Variants in SH3D19 observed in about 807,000 individuals in gnomAD.
The protein encoded by SH3D19 is SH3 domain-containing protein 19.
Under a neutral mutation model 112.1 loss-of-function variants are expected in SH3D19, and 58 were observed. The ratio of observed to expected loss-of-function variants is 0.52; its 90% CI spans 0.42 to 0.64. The LOEUF is 0.64. SH3D19 is among the 30% of genes least tolerant of loss of function. SH3D19 has a pLI of 0.00. For missense variants in SH3D19, 1,090 were observed against 1,263.4 expected (o/e 0.86, Z 2.08); for synonymous variants, 391 against 448.5 (o/e 0.87, Z 1.62).
At chr4:151,238,730 C>T (rs1770329094) in intron 1 of SH3D19, among the ~76,000 whole-genome samples, 1 of 151,918 alleles carries the variant, frequency 6.6e-6, no homozygotes, top group East Asian at 1.9e-4. Context: ...GTCTTGGTCT[C>T]TAATGTAGAA....
chr4:151,242,832 C>G (rs932931147), intron 1 of SH3D19, among the ~76,000 whole-genome samples: 1 of 152,044 alleles, frequency 6.6e-6, no homozygotes, highest in Non-Finnish European at 1.5e-5. Flanking sequence ...TTCTAAACCT[C>G]TAAATATGAT....
At chr4:151,306,956 A>G (rs536044022) in intron 1 of SH3D19, among the ~76,000 whole-genome samples, 4 of 150,300 alleles carry the variant, frequency 2.7e-5, no homozygotes, top group African/African-American at 7.3e-5. Flanking sequence ...ATTCCTTACA[A>G]TTTTCAGGGT....
At chr4:151,141,418 G>A (rs796116345) in intron 12 of SH3D19, among the ~76,000 whole-genome samples, 28 of 152,254 alleles carry the variant, frequency 1.8e-4, no homozygotes, top group African/African-American at 6.5e-4. Context: ...GAGCCACCGT[G>A]CCCAGCCTGG....
chr4:151,175,411 G>A lies in SH3D19; in HGVS notation c.793C>T (p.Pro265Ser). 6.5e-7 allele frequency: 1 copy of A among 1,547,208 alleles called. No homozygotes were observed. The highest frequency in any genetic ancestry group is 8.7e-7 in the Non-Finnish European group (1 of 1,149,542). ...AVGEESSPGR[P>S]QSLLDNASTS... The stretch of plus-strand genomic sequence containing the variant: ...CTAGCGTTGTCCAGCAGAGACTGGG[G>A]CCGGCCTGGGGATGACTCCTCTCCT... Residue 265 changes from proline (P) to serine (S), a missense_variant, in exon 7 of 20, where the codon CCC becomes TCC. Transcript: ENST00000604030.
rs529768033 is a variant in SH3D19, at chr4:151,307,327, T to C, written c.112+17914A>G. 7.2e-5 allele frequency among the ~76,000 whole-genome samples: 11 copies of C among 152,222 alleles called. No homozygotes were observed. In the East Asian group the frequency reaches 2.1e-3, roughly 29 times the overall value. ...GTGAGCCACTGCGCCCGGCCCCTAA[T>C]GATGACTTCTATCTTTTTAGTGTCT... On this transcript the variant is annotated intron_variant, in intron 1 of 19. Transcript: ENST00000604030.
At chr4:151,267,206 G>A (rs60192235) in intron 1 of SH3D19, among the ~76,000 whole-genome samples, 4 of 150,854 alleles carry the variant, frequency 2.7e-5, no homozygotes, top group East Asian at 1.9e-4. Flanking sequence ...ATAGTGGCAC[G>A]TGCCTGTAGT....
At chr4:151,188,841 T>C (rs1275474464) in intron 2 of SH3D19, among the ~76,000 whole-genome samples, 4 of 152,168 alleles carry the variant, frequency 2.6e-5, no homozygotes. Flanking sequence ...TGATCTTACT[T>C]GAAAATAGAG....
chr4:151,282,659 T>G (rs1774363360), intron 1 of SH3D19, among the ~76,000 whole-genome samples: 1 of 152,210 alleles, frequency 6.6e-6, no homozygotes, highest in Non-Finnish European at 1.5e-5. Flanking sequence ...TTTAAACACA[T>G]AACTACCTCT....
Position 151,291,394 on chromosome 4 carries a change from G to A in SH3D19, c.112+33847C>T, listed in dbSNP as rs1775326425. On this transcript the variant is annotated intron_variant, in intron 1 of 19. Coordinates refer to ENST00000604030, the MANE Select transcript of SH3D19 (RefSeq NM_001378122.1). ...CAGAGTAGGCACTGTAGCTGAAGCT[G>A]TTGCTTGCATACAGGGCTGGGAAGA... The A allele has an allele frequency of 6.2e-7, 1 of 1,614,036 alleles. No homozygotes were observed.
chr4:151,202,037 A>C (rs1764469541), intron 2 of SH3D19, among the ~76,000 whole-genome samples: 1 of 150,222 alleles, frequency 6.7e-6, no homozygotes, highest in Admixed American at 6.7e-5. Flanking sequence ...GAAAGAAAAT[A>C]ATGATAATAA....
At chr4:151,314,988 T>C (rs1433674862) in intron 1 of SH3D19, among the ~76,000 whole-genome samples, 1 of 152,200 alleles carries the variant, frequency 6.6e-6, no homozygotes, top group African/African-American at 2.4e-5. Flanking sequence ...CAACTTTTAC[T>C]TGTATCTCAT....
intron 18 of SH3D19, 64 bp from the exon 19 acceptor site, chr4:151,127,779 T>A (rs1749734618): frequency 1.1e-6 from 1 of 920,258 alleles, no homozygotes; most frequent in Admixed American, 3.3e-5. Flanking sequence ...AATCTAACAT[T>A]TTTTAAAAAA....
At position 151,325,061 on chromosome 4, in the gene SH3D19, T is replaced by G. The variant is rs181509780; in HGVS notation, c.112+180A>C. The stretch of plus-strand genomic sequence containing the variant: ...AAGACGGGTCTGAATTTCCTCGGGC[T>G]CGGCCGGAAAGTGAGGATGGCGATG... On this transcript the variant is annotated intron_variant, in intron 1 of 19. Transcript: ENST00000604030. Among the ~76,000 whole-genome samples, 686 of 152,308 alleles carry G rather than the reference T, an allele frequency of 4.5e-3. 2 individuals are homozygous for G. The highest frequency in any genetic ancestry group is 0.014 in the African/African-American group (601 of 41,580).
At chr4:151,224,422 A>G (rs939830384) in intron 2 of SH3D19, among the ~76,000 whole-genome samples, 1 of 152,230 alleles carries the variant, frequency 6.6e-6, no homozygotes, top group South Asian at 2.1e-4. Context: ...ATGTAATGAC[A>G]TAAGATTTTT....
intron 17 of SH3D19, among the ~76,000 whole-genome samples, chr4:151,131,478 TC>T (rs1750680332): frequency 3.4e-5 from 5 of 147,388 alleles, no homozygotes; most frequent in Non-Finnish European, 6.0e-5. Context: ...TTTTATGAAT[TC>T]TTTTTTTCTT....
chr4:151,171,269 G>T, intron 7 of SH3D19, among the ~76,000 whole-genome samples: 1 of 151,590 alleles, frequency 6.6e-6, no homozygotes, highest in East Asian at 1.9e-4. Flanking sequence ...ATTTTCAAGG[G>T]AGAGAAAAGA....
intron 12 of SH3D19, among the ~76,000 whole-genome samples, chr4:151,141,458 C>G (rs1579736150): frequency 6.6e-6 from 1 of 152,000 alleles, no homozygotes; most frequent in East Asian, 1.9e-4. Context: ...TCAGCATGGA[C>G]AACATAAGAA....
intron 9 of SH3D19, among the ~76,000 whole-genome samples, chr4:151,155,928 C>T (rs1416351141): frequency 2.0e-5 from 3 of 151,938 alleles, no homozygotes; most frequent in South Asian, 2.1e-4. Flanking sequence ...AACCTAAAGA[C>T]TCTACCAAAA....
At chr4:151,316,599 AT>A (rs964495595) in intron 1 of SH3D19, among the ~76,000 whole-genome samples, 9 of 151,512 alleles carry the variant, frequency 5.9e-5, no homozygotes, top group Middle Eastern at 3.4e-3. Flanking sequence ...TTCTTAATTC[AT>A]TTTTTTTCCC....
Sources: allele counts gnomAD v4.1 joint callset (sites outside exome capture counted in the v4.1 genomes callset), GRCh38; gene constraint gnomAD v4.1.1; transcripts MANE v1.5; gene names NCBI Gene and HGNC (gene_info 2026-07-23, HGNC 2026-07-21).